The following KANSL1 variants were observed in gnomAD, a reference collection of about 807,000 sequenced individuals.
KANSL1 encodes MLL1/MLL complex subunit KANSL1.
Under a neutral mutation model 103.6 loss-of-function variants are expected in KANSL1, and 22 were observed. The observed-to-expected ratio is 0.21, with a 90% CI of 0.15 to 0.30. The LOEUF (loss-of-function observed/expected upper bound fraction) is 0.30, where lower values mean the gene tolerates loss of function less well. Among genes scored for constraint, KANSL1 ranks in the 10% least tolerant of loss-of-function variants. The pLI is 1.00. For synonymous variants in KANSL1, 600 were observed against 527.6 expected, an observed-to-expected ratio of 1.14 and a Z score of -1.88; for missense variants, 1,337 against 1,399.8, an observed-to-expected ratio of 0.96 and a Z score of 0.72.
chr17:46,076,047 G>A (rs1272853491), intron 4 of KANSL1, among the ~76,000 whole-genome samples: 1 of 152,174 alleles, frequency 6.6e-6, no homozygotes, highest in Non-Finnish European at 1.5e-5. Context: ...GTGCAGTCTG[G>A]AACAATGACA....
intron 2 of KANSL1, among the ~76,000 whole-genome samples, chr17:46,108,495 T>G (rs1445405827): frequency 6.6e-6 from 1 of 152,194 alleles, no homozygotes; most frequent in African/African-American, 2.4e-5. Context: ...AATAGAACCT[T>G]CATGAAAATT....
intron 1 of KANSL1, among the ~76,000 whole-genome samples, chr17:46,177,427 T>C (rs537726662): frequency 2.0e-5 from 3 of 152,212 alleles, no homozygotes; most frequent in Non-Finnish European, 2.9e-5. Context: ...TATTTCATGA[T>C]GTTGTTTATA....
At chr17:46,170,550 T>A in intron 2 of KANSL1, 1 of 401,136 alleles carries the variant, frequency 2.5e-6, no homozygotes, top group Non-Finnish European at 4.3e-6. Context: ...TCAAAAGAAA[T>A]CTAAATTCAC....
At chr17:46,070,712 C>A (rs1333749002) in intron 4 of KANSL1, among the ~76,000 whole-genome samples, 1 of 151,934 alleles carries the variant, frequency 6.6e-6, no homozygotes, top group Non-Finnish European at 1.5e-5. Flanking sequence ...TTTATTTCGG[C>A]ATTAAATTAT....
chr17:46,168,513 A>G (rs1302101091), intron 2 of KANSL1, among the ~76,000 whole-genome samples: 1 of 152,106 alleles, frequency 6.6e-6, no homozygotes, highest in African/African-American at 2.4e-5. Context: ...ACGCCCAACT[A>G]ATTTTGTATT....
intron 4 of KANSL1, among the ~76,000 whole-genome samples, chr17:46,069,660 A>C (rs1244964646): frequency 6.6e-6 from 1 of 152,096 alleles, no homozygotes; most frequent in Non-Finnish European, 1.5e-5. Flanking sequence ...CACAAGAATC[A>C]CTTGAACCCA....
chr17:46,076,741 A>C (rs1315988390), intron 4 of KANSL1, among the ~76,000 whole-genome samples: 1 of 152,080 alleles, frequency 6.6e-6, no homozygotes, highest in East Asian at 1.9e-4. Context: ...TTTCAGCAAT[A>C]AAGTCATTAA....
chr17:46,196,461 A>G (rs575692942), upstream of KANSL1: 46 of 456,200 alleles, frequency 1.0e-4, no homozygotes, highest in East Asian at 2.8e-3. Flanking sequence ...GATGGAGGAA[A>G]AAACAGTCCC....
At chr17:46,189,714 G>A (rs376573104) in intron 1 of KANSL1, among the ~76,000 whole-genome samples, 2 of 151,968 alleles carry the variant, frequency 1.3e-5, no homozygotes, top group Non-Finnish European at 2.9e-5. Context: ...TGAAACCCCC[G>A]TCTCTACTAA....
intron 4 of KANSL1, among the ~76,000 whole-genome samples, chr17:46,069,015 T>G (rs2078482414): frequency 6.6e-6 from 1 of 152,128 alleles, no homozygotes; most frequent in Non-Finnish European, 1.5e-5. Flanking sequence ...AGCCTCCACC[T>G]CCCTGGTTCA....
At chr17:46,078,824 G>A (rs1178999663) in intron 4 of KANSL1, among the ~76,000 whole-genome samples, 1 of 152,186 alleles carries the variant, frequency 6.6e-6, no homozygotes, top group Non-Finnish European at 1.5e-5. Context: ...ATACACTAGA[G>A]AACAACTCTC....
intron 2 of KANSL1, among the ~76,000 whole-genome samples, chr17:46,147,331 T>C (rs887894806): frequency 6.6e-6 from 1 of 152,180 alleles, no homozygotes; most frequent in Non-Finnish European, 1.5e-5. Flanking sequence ...CCCAGCACTT[T>C]GGAAGGCCAA....
intron 2 of KANSL1, among the ~76,000 whole-genome samples, chr17:46,143,884 G>C (rs1181438180): frequency 6.6e-6 from 1 of 151,546 alleles, no homozygotes; most frequent in East Asian, 1.9e-4. Flanking sequence ...CAGATTGGTT[G>C]AGTGATATCC....
At chr17:46,208,382 C>T (rs932479225) in intron 1 of KANSL1, among the ~76,000 whole-genome samples, 2 of 151,876 alleles carry the variant, frequency 1.3e-5, no homozygotes, top group Non-Finnish European at 2.9e-5. Context: ...AAGGTCAAGG[C>T]CACAGCATCG....
chr17:46,128,668 G>A (rs551704612), intron 2 of KANSL1, among the ~76,000 whole-genome samples: 47 of 152,190 alleles, frequency 3.1e-4, no homozygotes, highest in East Asian at 9.6e-4. Flanking sequence ...AGAAGGAATC[G>A]AAAATAGGCG....
intron 6 of KANSL1, among the ~76,000 whole-genome samples, chr17:46,064,033 T>G (rs892407322): frequency 1.4e-5 from 2 of 139,242 alleles, no homozygotes; most frequent in African/African-American, 2.7e-5. Context: ...GAAAATCTTT[T>G]AGAGATATAC....
At chr17:46,070,382 G>C (rs1336081715) in intron 4 of KANSL1, among the ~76,000 whole-genome samples, 2 of 152,100 alleles carry the variant, frequency 1.3e-5, no homozygotes, top group Admixed American at 1.3e-4. Context: ...AAGACAAAGA[G>C]TGTTACAGTT....
At chr17:46,178,955 C>T (rs2046655384) in intron 1 of KANSL1, among the ~76,000 whole-genome samples, 1 of 152,222 alleles carries the variant, frequency 6.6e-6, no homozygotes. Flanking sequence ...TTCTACCTAA[C>T]ACAAGTGGCA....
intron 1 of KANSL1, among the ~76,000 whole-genome samples, chr17:46,190,450 G>A (rs994832528): frequency 6.6e-6 from 1 of 152,226 alleles, no homozygotes. Context: ...TCTGAACGTG[G>A]CTTTCAGAAA....
Sources: gnomAD v4.1 joint callset for allele counts (sites outside exome capture counted in the v4.1 genomes callset) on GRCh38, gnomAD v4.1.1 for gene constraint, MANE v1.5 for transcripts, NCBI Gene and HGNC (gene_info 2026-07-23, HGNC 2026-07-21) for gene names.